The following MTA3 variants were observed in gnomAD, a reference collection of about 807,000 sequenced individuals.
MTA3 encodes metastasis-associated protein MTA3.
A neutral mutation model predicts 83.5 loss-of-function variants in MTA3; 34 were observed. That is an observed-to-expected ratio of 0.41 (90% CI 0.31 to 0.54). The LOEUF (loss-of-function observed/expected upper bound fraction) is 0.54. Ranked by LOEUF, MTA3 falls within the 20% of genes least tolerant of loss-of-function variation. MTA3 has a pLI of 0.33. For synonymous variants in MTA3, 303 were observed against 252.7 expected, an observed-to-expected ratio of 1.20 and a Z score of -1.89; for missense variants, 761 against 726.4, an observed-to-expected ratio of 1.05 and a Z score of -0.55.
intron 3 of MTA3, among the ~76,000 whole-genome samples, chr2:42,598,135 T>G (rs1415205433): frequency 6.6e-6 from 1 of 152,038 alleles, no homozygotes; most frequent in Non-Finnish European, 1.5e-5. Flanking sequence ...TGCAGTGGCA[T>G]GATCTTGGCT....
At chr2:42,606,384 G>A (rs1349657949) in intron 3 of MTA3, among the ~76,000 whole-genome samples, 1 of 148,530 alleles carries the variant, frequency 6.7e-6, no homozygotes, top group Non-Finnish European at 1.5e-5. Context: ...CTTCTCAGAC[G>A]GGGCGGCCGG....
intron 6 of MTA3, among the ~76,000 whole-genome samples, chr2:42,647,211 A>C (rs1688294037): frequency 1.3e-5 from 2 of 151,710 alleles, no homozygotes; most frequent in South Asian, 4.2e-4. Context: ...GCTATTGAGC[A>C]TCACATGCTA....
At chr2:42,537,393 C>T (rs1223216076) in intron 2 of MTA3, among the ~76,000 whole-genome samples, 1 of 152,004 alleles carries the variant, frequency 6.6e-6, no homozygotes, top group Admixed American at 6.6e-5. Flanking sequence ...GGTAAAACTT[C>T]ATCTCTACTA....
At chr2:42,673,177 A>G (rs1181253530) in intron 8 of MTA3, among the ~76,000 whole-genome samples, 1 of 151,708 alleles carries the variant, frequency 6.6e-6, no homozygotes, top group African/African-American at 2.4e-5. Context: ...CTTTGTCCAT[A>G]TCAGTTTGAG....
intron 4 of MTA3, among the ~76,000 whole-genome samples, chr2:42,630,669 T>C (rs1376570947): frequency 6.6e-6 from 1 of 152,220 alleles, no homozygotes; most frequent in Non-Finnish European, 1.5e-5. Flanking sequence ...TTGGTTTTTT[T>C]AGTCTTTTGC....
intron 10 of MTA3, 100 bp downstream of exon 10, chr2:42,695,939 ACC>A (rs1693353130): frequency 5.6e-6 from 4 of 720,460 alleles, no homozygotes; most frequent in Admixed American, 6.3e-5. Context: ...AAATTTGTTT[ACC>A]TTACTTTTTC....
intron 2 of MTA3, among the ~76,000 whole-genome samples, chr2:42,523,718 G>T (rs1300911748): frequency 6.6e-6 from 1 of 152,066 alleles, no homozygotes; most frequent in African/African-American, 2.4e-5. Context: ...TTTCAGACCA[G>T]TTTGGGCAAT....
chr2:42,666,322 A>G (rs985435105), intron 8 of MTA3, among the ~76,000 whole-genome samples: 14 of 152,150 alleles, frequency 9.2e-5, no homozygotes, highest in African/African-American at 3.4e-4. Flanking sequence ...TTATTTTGCT[A>G]CCTCCTACCT....
chr2:42,527,352 T>C (rs1243640693), intron 2 of MTA3, among the ~76,000 whole-genome samples: 1 of 152,188 alleles, frequency 6.6e-6, no homozygotes, highest in Non-Finnish European at 1.5e-5. Flanking sequence ...CCCAAACTTT[T>C]GTTATAAAAC....
intron 16 of MTA3, among the ~76,000 whole-genome samples, chr2:42,752,702 G>A (rs1000441116): frequency 2.0e-5 from 3 of 152,174 alleles, no homozygotes; most frequent in Middle Eastern, 3.4e-3. Flanking sequence ...AGATGAGATC[G>A]TGCCTCCTCC....
In MTA3 at chr2:42,756,408, G is replaced by A. The variant is rs1296188550; in HGVS notation, c.*3009G>A. The stretch of plus-strand genomic sequence containing the variant: ...CAGCTGCCCTGGGAGCCTGGGACAG[G>A]CGACCCACCGGGTCAGTCCCCTGCC... On this transcript the variant is annotated 3_prime_UTR_variant, in exon 17 of 17. Transcript: ENST00000405094. 2.1e-6 allele frequency: 2 copies of A among 958,488 alleles called. No individual in the cohort carries two copies. Among genetic ancestry groups the A allele is most frequent in the East Asian group, 1.1e-4 (1 of 8,706 alleles). The allele number at this position is 958,488 out of a possible 1,614,324, so 59.4% of individuals were successfully genotyped here.
At chr2:42,648,016 T>A (rs1319834827) in intron 6 of MTA3, among the ~76,000 whole-genome samples, 1 of 152,196 alleles carries the variant, frequency 6.6e-6, no homozygotes, top group Non-Finnish European at 1.5e-5. Flanking sequence ...AACTTTTGTA[T>A]TTTTAGCAGG....
chr2:42,539,150 G>C (rs559888618), intron 2 of MTA3, among the ~76,000 whole-genome samples: 6 of 152,162 alleles, frequency 3.9e-5, no homozygotes, highest in African/African-American at 1.2e-4. Context: ...CTTTAGGTTA[G>C]TTCCTTAGTT....
At chr2:42,660,459 C>T (rs186569624) in intron 8 of MTA3, among the ~76,000 whole-genome samples, 40 of 152,226 alleles carry the variant, frequency 2.6e-4, no homozygotes, top group Admixed American at 2.0e-3. Flanking sequence ...TTTTTTCTTT[C>T]GGTGATCAAA....
At chr2:42,692,702 C>T (rs1035289928) in intron 9 of MTA3, among the ~76,000 whole-genome samples, 4 of 152,234 alleles carry the variant, frequency 2.6e-5, no homozygotes, top group African/African-American at 9.6e-5. Flanking sequence ...GCTGGGATTA[C>T]AGGCATGAGC....
intron 4 of MTA3, among the ~76,000 whole-genome samples, chr2:42,623,517 AC>A (rs1298665128): frequency 2.0e-5 from 3 of 152,132 alleles, no homozygotes; most frequent in Non-Finnish European, 2.9e-5. Context: ...GGAATCCAGC[AC>A]AACAGGTGGC....
intron 9 of MTA3, among the ~76,000 whole-genome samples, chr2:42,690,424 T>C (rs1200407199): frequency 6.6e-6 from 1 of 152,102 alleles, no homozygotes; most frequent in African/African-American, 2.4e-5. Flanking sequence ...TTTCTTTGTT[T>C]TCAAAATTTT....
intron 11 of MTA3, 35 bp downstream of exon 11, chr2:42,697,869 G>T: frequency 2.8e-6 from 4 of 1,419,474 alleles, no homozygotes; most frequent in South Asian, 1.5e-5. Context: ...TATTTGTTTT[G>T]GTCTTAATTT....
intron 16 of MTA3, among the ~76,000 whole-genome samples, chr2:42,725,232 A>G (rs1364551351): frequency 1.3e-5 from 2 of 152,198 alleles, no homozygotes; most frequent in African/African-American, 2.4e-5. Context: ...TAGGTACTCA[A>G]TATATATTAG....
Sources: allele counts gnomAD v4.1 joint callset (sites outside exome capture counted in the v4.1 genomes callset), GRCh38; gene constraint gnomAD v4.1.1; transcripts MANE v1.5; gene names NCBI Gene and HGNC (gene_info 2026-07-23, HGNC 2026-07-21).